Variants in METTL15 observed in about 807,000 individuals in gnomAD.
METTL15 encodes 12S rRNA N(4)-cytidine methyltransferase METTL15.
In METTL15, 34 loss-of-function variants were observed where a neutral mutation model predicts 38.3. That is an observed-to-expected ratio of 0.89 (90% confidence interval 0.68 to 1.18). METTL15 has a LOEUF of 1.18. Ranked by LOEUF, METTL15 falls within the 50% of genes most tolerant of loss-of-function variation. The probability of loss-of-function intolerance (pLI) is 0.00; values close to 1 mark genes in which losing one functional copy is unlikely to be tolerated. For synonymous variants in METTL15, 162 were observed against 170.9 expected, an observed-to-expected ratio of 0.95 and a Z score of 0.41; for missense variants, 438 against 498.4, an observed-to-expected ratio of 0.88 and a Z score of 1.15.
intron 3 of METTL15, among the ~76,000 whole-genome samples, chr11:28,116,975 T>C (rs1268598217): frequency 6.6e-6 from 1 of 152,082 alleles, no homozygotes; most frequent in Non-Finnish European, 1.5e-5. Flanking sequence ...GTATAAAGTA[T>C]TTAGCTCAAT....
chr11:28,531,556 G>A (rs1851843302), downstream of METTL15, among the ~76,000 whole-genome samples: 1 of 151,994 alleles, frequency 6.6e-6, no homozygotes, highest in Admixed American at 6.6e-5. Context: ...GCAAGTCACT[G>A]AATCTCTCCG....
chr11:28,239,415 G>A (rs1854186303), intron 4 of METTL15, among the ~76,000 whole-genome samples: 2 of 152,196 alleles, frequency 1.3e-5, no homozygotes, highest in Non-Finnish European at 2.9e-5. Flanking sequence ...CCTTCAAGGT[G>A]TATATGAAAT....
chr11:28,524,660 G>T (rs939586522), intron 6 of METTL15, among the ~76,000 whole-genome samples: 1 of 152,198 alleles, frequency 6.6e-6, no homozygotes, highest in Non-Finnish European at 1.5e-5. Flanking sequence ...GGAATAATCA[G>T]CAAGGTAAAG....
At chr11:28,435,466 G>A (rs1011516631) in intron 6 of METTL15, among the ~76,000 whole-genome samples, 3 of 152,052 alleles carry the variant, frequency 2.0e-5, no homozygotes, top group Admixed American at 1.3e-4. Flanking sequence ...TCTTTGATTC[G>A]TTCTGCTTTC....
At chr11:28,189,236 A>G (rs570072259) in intron 3 of METTL15, among the ~76,000 whole-genome samples, 4 of 151,474 alleles carry the variant, frequency 2.6e-5, no homozygotes, top group South Asian at 2.1e-4. Flanking sequence ...AAATTTGAGC[A>G]TATAAAAATT....
intron 6 of METTL15, among the ~76,000 whole-genome samples, chr11:28,467,920 T>C (rs1359667286): frequency 6.6e-6 from 1 of 152,118 alleles, no homozygotes; most frequent in African/African-American, 2.4e-5. Flanking sequence ...AAAATATATT[T>C]ATTTGTCGCA....
intron 5 of METTL15, among the ~76,000 whole-genome samples, chr11:28,417,110 G>A (rs1485922969): frequency 1.3e-5 from 2 of 152,166 alleles, no homozygotes; most frequent in African/African-American, 2.4e-5. Flanking sequence ...TGGCCTTAGT[G>A]AGAAAAAGCA....
At chr11:28,388,394 A>T (rs1415901169) in intron 5 of METTL15, among the ~76,000 whole-genome samples, 3 of 152,178 alleles carry the variant, frequency 2.0e-5, no homozygotes, top group Non-Finnish European at 4.4e-5. Flanking sequence ...ACACAAAAAA[A>T]TCAATTGCAT....
At chr11:28,217,996 G>A (rs974572689) in intron 4 of METTL15, among the ~76,000 whole-genome samples, 5 of 152,144 alleles carry the variant, frequency 3.3e-5, no homozygotes. Flanking sequence ...GTAGCTTGAT[G>A]CTACCAGCTT....
chr11:28,435,428 T>C (rs919342894), intron 6 of METTL15, among the ~76,000 whole-genome samples: 4 of 152,208 alleles, frequency 2.6e-5, no homozygotes, highest in African/African-American at 9.6e-5. Flanking sequence ...ATGCTTTCCA[T>C]TTACCCTACT....
chr11:28,278,224 G>A (rs1374346507), intron 4 of METTL15, among the ~76,000 whole-genome samples: 1 of 152,080 alleles, frequency 6.6e-6, no homozygotes, highest in Non-Finnish European at 1.5e-5. Flanking sequence ...GGCACACACT[G>A]GGGCATTGGA....
At chr11:28,319,553 TGAGAA>T (rs1207932017) in intron 6 of METTL15, among the ~76,000 whole-genome samples, 1 of 152,080 alleles carries the variant, frequency 6.6e-6, no homozygotes, top group African/African-American at 2.4e-5. Flanking sequence ...CCTGTGAACT[TGAGAA>T]GAGACATTTA....
chr11:28,250,100 G>A (rs1313711400), intron 4 of METTL15, among the ~76,000 whole-genome samples: 3 of 151,804 alleles, frequency 2.0e-5, no homozygotes, highest in Non-Finnish European at 2.9e-5. Flanking sequence ...TATATGTACT[G>A]CATTGTCTTT....
At chr11:28,438,356 T>C (rs1042612260) in intron 6 of METTL15, among the ~76,000 whole-genome samples, 1 of 152,238 alleles carries the variant, frequency 6.6e-6, no homozygotes, top group Non-Finnish European at 1.5e-5. Flanking sequence ...GGCTTGTCCT[T>C]GTAGGCAGAA....
At chr11:28,524,592 T>C (rs542689191) in intron 6 of METTL15, among the ~76,000 whole-genome samples, 1 of 152,280 alleles carries the variant, frequency 6.6e-6, no homozygotes, top group Non-Finnish European at 1.5e-5. Flanking sequence ...AATTACTTAG[T>C]GTGAAGGGTT....
intron 5 of METTL15, among the ~76,000 whole-genome samples, chr11:28,404,310 C>G (rs930139244): frequency 6.6e-6 from 1 of 152,012 alleles, no homozygotes; most frequent in Admixed American, 6.6e-5. Flanking sequence ...ATTGTTACTA[C>G]TACTATAACA....
intron 5 of METTL15, among the ~76,000 whole-genome samples, chr11:28,374,506 C>T (rs1410312773): frequency 1.5e-5 from 2 of 137,298 alleles, no homozygotes; most frequent in African/African-American, 5.1e-5. Context: ...GATTTTTGTA[C>T]ATTGATTTTG....
chr11:28,490,604 G>C (rs1291062779), intron 6 of METTL15, among the ~76,000 whole-genome samples: 1 of 151,992 alleles, frequency 6.6e-6, no homozygotes, highest in East Asian at 1.9e-4. Context: ...CATTTTTAAA[G>C]CTCCCCAGGT....
intron 6 of METTL15, among the ~76,000 whole-genome samples, chr11:28,309,698 G>A (rs1590302389): frequency 6.6e-6 from 1 of 152,118 alleles, no homozygotes; most frequent in East Asian, 1.9e-4. Flanking sequence ...CTTGTAAGGG[G>A]TAAGTGTATT....
Sources: gnomAD v4.1 joint callset for allele counts (sites outside exome capture counted in the v4.1 genomes callset) on GRCh38, gnomAD v4.1.1 for gene constraint, MANE v1.5 for transcripts, NCBI Gene and HGNC (gene_info 2026-07-23, HGNC 2026-07-21) for gene names.